Variants in GLDN observed in about 807,000 individuals in gnomAD.
GLDN encodes the protein collomin.
GLDN carries 47 observed loss-of-function variants against 56.5 expected under a neutral mutation model. That is an observed-to-expected ratio of 0.83 (90% confidence interval 0.66 to 1.06). The LOEUF (loss-of-function observed/expected upper bound fraction) is 1.06, where lower values mean the gene tolerates loss of function less well. Among genes scored for constraint, GLDN ranks in the 50% least tolerant of loss-of-function variants. The probability of loss-of-function intolerance (pLI) is 0.00; values close to 1 mark genes in which losing one functional copy is unlikely to be tolerated. For missense variants in GLDN, 782 were observed against 714.3 expected (o/e 1.09, Z -1.08); for synonymous variants, 332 against 278.8 (o/e 1.19, Z -1.90).
intron 1 of GLDN, among the ~76,000 whole-genome samples, chr15:51,357,044 G>C (rs1435729037): frequency 6.6e-6 from 1 of 152,146 alleles, no homozygotes; most frequent in Non-Finnish European, 1.5e-5. Context: ...ATAGTTAATG[G>C]GGACTAAAAA....
chr15:51,348,930 T>C (rs1310213628), intron 1 of GLDN, among the ~76,000 whole-genome samples: 2 of 152,304 alleles, frequency 1.3e-5, no homozygotes, highest in Middle Eastern at 3.4e-3. Flanking sequence ...TACTGTGTCA[T>C]TGTGATTGTT....
At chr15:51,409,603 G>A (rs1768605995), downstream of GLDN, among the ~76,000 whole-genome samples, 2 of 152,138 alleles carry the variant, frequency 1.3e-5, no homozygotes, top group Admixed American at 1.3e-4. Context: ...TAGCAACATG[G>A]CATTGTCAAT....
intron 1 of GLDN, among the ~76,000 whole-genome samples, chr15:51,355,764 C>T (rs2037167692): frequency 6.7e-6 from 1 of 149,710 alleles, no homozygotes; most frequent in Non-Finnish European, 1.5e-5. Flanking sequence ...ACTTTGTGAT[C>T]TGCCCACCTT....
intron 5 of GLDN, among the ~76,000 whole-genome samples, chr15:51,396,357 C>T (rs2038129001): frequency 6.6e-6 from 1 of 152,204 alleles, no homozygotes; most frequent in Non-Finnish European, 1.5e-5. Flanking sequence ...CCATCAGGGG[C>T]ATTTCCCCTA....
At chr15:51,359,479 A>G (rs902197065) in intron 1 of GLDN, among the ~76,000 whole-genome samples, 10 of 152,310 alleles carry the variant, frequency 6.6e-5, no homozygotes, top group Middle Eastern at 6.8e-3. Flanking sequence ...CCACAGGCCA[A>G]CAGGCGGTTC....
intron 1 of GLDN, among the ~76,000 whole-genome samples, chr15:51,357,260 C>T (rs969815785): frequency 6.6e-6 from 1 of 152,158 alleles, no homozygotes; most frequent in Non-Finnish European, 1.5e-5. Context: ...CTAATTGAGC[C>T]GTAACACTTG....
Position 51,355,269 on chromosome 15 carries a change from C to G in GLDN, c.363+13222C>G, listed in dbSNP as rs137960069. On this transcript the variant is annotated intron_variant, in intron 1 of 9. Coordinates refer to ENST00000335449, the MANE Select transcript of GLDN (RefSeq NM_181789.4). ...TAGGCTAAATATGGGGTAGATTATT[C>G]AAGAGTTTTCTGGGAAAAGGGGCAG... is the stretch of plus-strand genomic sequence containing the variant. Among the ~76,000 whole-genome samples, 6 of 152,236 alleles carry G rather than the reference C, an allele frequency of 3.9e-5. No individual in the cohort carries two copies. In the East Asian group the frequency reaches 9.7e-4, roughly 24 times the overall value.
chr15:51,356,062 C>T (rs988466937), intron 1 of GLDN, among the ~76,000 whole-genome samples: 1 of 151,496 alleles, frequency 6.6e-6, no homozygotes, highest in African/African-American at 2.4e-5. Context: ...AAAAGATTAG[C>T]CGGGCGTGGT....
intron 9 of GLDN, among the ~76,000 whole-genome samples, chr15:51,404,059 C>T (rs1566953668): frequency 6.6e-6 from 1 of 152,152 alleles, no homozygotes; most frequent in Non-Finnish European, 1.5e-5. Flanking sequence ...CTCCCTGTTG[C>T]CTCTGCTAGC....
chr15:51,383,964 CTG>C, intron 4 of GLDN, 72 bp downstream of exon 4: 2 of 1,130,134 alleles, frequency 1.8e-6, no homozygotes, highest in East Asian at 2.5e-5. Context: ...TCGACTAAAA[CTG>C]TGTGCAGCAG....
intron 1 of GLDN, among the ~76,000 whole-genome samples, chr15:51,360,934 G>A (rs1254594463): frequency 6.6e-6 from 1 of 152,216 alleles, no homozygotes; most frequent in South Asian, 2.1e-4. Flanking sequence ...GGCAGCATTT[G>A]GAGATAATGG....
At chr15:51,368,188 A>G (rs1049496681) in intron 1 of GLDN, among the ~76,000 whole-genome samples, 1 of 152,144 alleles carries the variant, frequency 6.6e-6, no homozygotes, top group Non-Finnish European at 1.5e-5. Flanking sequence ...AGTACCTACT[A>G]TGTGCTTGAT....
In GLDN at chr15:51,404,722, G is replaced by A; in HGVS notation, c.1624G>A (p.Val542Met). 6.2e-7 allele frequency: 1 copy of A among 1,605,444 alleles called. No individual in the cohort carries two copies. Among genetic ancestry groups the A allele is most frequent in the Non-Finnish European group, 8.5e-7 (1 of 1,172,866 alleles). The change falls in exon 10 of 10, where the codon GTG (valine) becomes ATG (methionine). Residue 542 changes from valine to methionine, a missense_variant. Physicochemically the swap from Val to Met is conservative, Grantham distance 21 (BLOSUM62 1). Transcript: ENST00000335449. Reference sequence around the variant, plus strand: ...AGATGGCCATTTAATGCTTTATCCTGTGCAGTTTTTGTCAACTACCTTAAA... The same window carrying A: ...AGATGGCCATTTAATGCTTTATCCTATGCAGTTTTTGTCAACTACCTTAAA... ...WEDGHLMLYP[V>M]QFLSTTLNQ is the part of the protein sequence containing the mutation.
At chr15:51,398,767 T>G (rs2038188717) in intron 6 of GLDN, among the ~76,000 whole-genome samples, 1 of 152,192 alleles carries the variant, frequency 6.6e-6, no homozygotes, top group African/African-American at 2.4e-5. Flanking sequence ...TCCCCAGCCA[T>G]TAGCATCGGC....
At chr15:51,376,741 T>A (rs996193729) in intron 1 of GLDN, among the ~76,000 whole-genome samples, 8 of 152,336 alleles carry the variant, frequency 5.3e-5, no homozygotes, top group African/African-American at 1.7e-4. Flanking sequence ...CTTTTTAAGC[T>A]TTTTTGTTAA....
At chr15:51,392,324 C>T (rs1042869352) in intron 4 of GLDN, among the ~76,000 whole-genome samples, 4 of 152,118 alleles carry the variant, frequency 2.6e-5, no homozygotes, top group Admixed American at 6.5e-5. Context: ...CTCACATTAC[C>T]GCCCGAGCTC....
chr15:51,362,644 T>G (rs1346271630), intron 1 of GLDN, among the ~76,000 whole-genome samples: 1 of 151,806 alleles, frequency 6.6e-6, no homozygotes, highest in African/African-American at 2.4e-5. Flanking sequence ...GGAAGAAGAG[T>G]GACATGATCT....
intron 1 of GLDN, among the ~76,000 whole-genome samples, chr15:51,361,321 T>C (rs1266885947): frequency 6.6e-6 from 1 of 152,204 alleles, no homozygotes; most frequent in Non-Finnish European, 1.5e-5. Flanking sequence ...TGTCTCATGG[T>C]TTTTTGCTAT....
At chr15:51,355,068 C>T (rs2037147821) in intron 1 of GLDN, among the ~76,000 whole-genome samples, 1 of 152,110 alleles carries the variant, frequency 6.6e-6, no homozygotes, top group Non-Finnish European at 1.5e-5. Context: ...GGTCCTTATC[C>T]AGACCCCTTA....
Sources: allele counts gnomAD v4.1 joint callset (sites outside exome capture counted in the v4.1 genomes callset), GRCh38; gene constraint gnomAD v4.1.1; transcripts MANE v1.5; gene names NCBI Gene and HGNC (gene_info 2026-07-23, HGNC 2026-07-21).